INTS13: variants seen among roughly 807,000 people sequenced by gnomAD.
INTS13 encodes integrator complex subunit 13.
A neutral mutation model predicts 90.2 loss-of-function variants in INTS13; 35 were observed. That is an observed-to-expected ratio of 0.39 (90% confidence interval 0.30 to 0.51). INTS13 has a LOEUF of 0.51. Ranked by LOEUF, INTS13 falls within the 20% of genes least tolerant of loss-of-function variation. The pLI is 0.80. For synonymous variants in INTS13, 309 were observed against 277.1 expected (o/e 1.11, Z -1.14); for missense variants, 601 against 851.2 (o/e 0.71, Z 3.66).
intron 3 of INTS13, among the ~76,000 whole-genome samples, chr12:26,931,803 C>T (rs538682738): frequency 2.7e-5 from 4 of 149,656 alleles, no homozygotes; most frequent in Admixed American, 1.3e-4. Context: ...AACATAAACC[C>T]GGGCTGTGCG....
chr12:26,930,399 A>G (rs866733240), intron 3 of INTS13, among the ~76,000 whole-genome samples: 19 of 152,260 alleles, frequency 1.2e-4, no homozygotes, highest in African/African-American at 4.6e-4. Context: ...ACTTACTACA[A>G]AACAATGGTA....
In INTS13 at chr12:26,919,877, C is replaced by T. The variant is rs1477375228; in HGVS notation, c.890-2144G>A. On this transcript the variant is annotated intron_variant, in intron 8 of 16. Transcript: ENST00000261191. ...GGGCACGGTGACTCACACCTGTAAT[C>T]CCAGCACTTTGGGAGGCTGAGGGGG... Among the ~76,000 whole-genome samples, 3 of 152,210 alleles carry T rather than the reference C, an allele frequency of 2.0e-5. No individual in the cohort carries two copies. In the East Asian group the frequency reaches 5.8e-4, roughly 29 times the overall value.
chr12:26,928,170 T>C, intron 5 of INTS13, 35 bp downstream of exon 5: 6 of 1,450,238 alleles, frequency 4.1e-6, no homozygotes, highest in Non-Finnish European at 5.8e-6. Flanking sequence ...TCTATCCACA[T>C]GAACATATTT....
chr12:26,919,677 T>C (rs1234143893), intron 8 of INTS13, among the ~76,000 whole-genome samples: 1 of 152,038 alleles, frequency 6.6e-6, no homozygotes, highest in Admixed American at 6.6e-5. Context: ...GATTCTGAGG[T>C]TTTCTGCCTT....
intron 7 of INTS13, among the ~76,000 whole-genome samples, chr12:26,923,616 C>G (rs566261902): frequency 1.7e-4 from 26 of 152,156 alleles, no homozygotes; most frequent in African/African-American, 6.0e-4. Context: ...TGTGCTAGCC[C>G]TAAAACAACT....
At chr12:26,937,275 G>A (rs1039847053) in intron 1 of INTS13, among the ~76,000 whole-genome samples, 2 of 152,080 alleles carry the variant, frequency 1.3e-5, no homozygotes, top group African/African-American at 4.8e-5. Context: ...CTGGCGGGTA[G>A]GGGTGCGGAA....
chr12:26,938,194 G>A (rs1391978267), upstream of INTS13: 2 of 152,610 alleles, frequency 1.3e-5, no homozygotes, highest in East Asian at 1.9e-4. Context: ...TTGGGAAGCA[G>A]GATCTGGGCG....
chr12:26,927,302 G>T (rs949892411), intron 5 of INTS13, among the ~76,000 whole-genome samples: 1 of 152,196 alleles, frequency 6.6e-6, no homozygotes, highest in Admixed American at 6.5e-5. Flanking sequence ...TTACAGTCTT[G>T]TGGAACTGAG....
chr12:26,914,631 T>G (rs1592204305), intron 11 of INTS13, 53 bp from the exon 12 acceptor site: 1 of 1,410,940 alleles, frequency 7.1e-7, no homozygotes, highest in East Asian at 2.4e-5. Context: ...TGTTTCAGTA[T>G]GGATTACATG....
chr12:26,928,198 T>C lies in INTS13; in HGVS notation c.584+7A>G. 1.3e-6 allele frequency: 2 copies of C among 1,590,440 alleles called. No homozygotes were observed. Among genetic ancestry groups the C allele is most frequent in the South Asian group, 1.1e-5 (1 of 89,836 alleles). On this transcript the variant is annotated splice_region_variant and intron_variant, in intron 5 of 16. Coordinates refer to ENST00000261191, the MANE Select transcript of INTS13 (RefSeq NM_018164.3). ...ACATATTTATTTCATTTATGAATTATACTCACTGATCTGAATTTGCAGCAA... is the reference window on the plus strand; with the variant it reads ...ACATATTTATTTCATTTATGAATTACACTCACTGATCTGAATTTGCAGCAA...
At chr12:26,934,185 G>C (rs994551176) in intron 3 of INTS13, among the ~76,000 whole-genome samples, 3 of 152,204 alleles carry the variant, frequency 2.0e-5, no homozygotes, top group Admixed American at 6.5e-5. Flanking sequence ...TTAGGCAGGT[G>C]AATCTATTGA....
In INTS13 at chr12:26,922,656, T is replaced by C. The variant is rs769215414; in HGVS notation, c.849A>G (p.Leu283=). 1 of 1,587,866 alleles carries C rather than the reference T, an allele frequency of 6.3e-7. No homozygotes were observed. The highest frequency in any genetic ancestry group is 8.6e-7 in the Non-Finnish European group (1 of 1,166,674). ...CTACATGTGCATCTTTGTGATGAAG[T>C]AGCTCCACATCATAATTGGCAGATG... ...ANTSANYDVE[L]LHHKDAHVDF... is the part of the protein sequence containing the mutation. Residue 283 remains leucine (L), a synonymous_variant, in exon 8 of 17, where the codon CTA becomes CTG. Coordinates refer to ENST00000261191, the MANE Select transcript of INTS13 (RefSeq NM_018164.3).
chr12:26,906,869 A>T (rs1295832826), intron 15 of INTS13, among the ~76,000 whole-genome samples: 1 of 152,230 alleles, frequency 6.6e-6, no homozygotes, highest in Non-Finnish European at 1.5e-5. Context: ...ATGCAGCCAC[A>T]TGTGCACAAT....
chr12:26,914,327 T>C (rs1326011668), intron 12 of INTS13, 81 bp downstream of exon 12: 2 of 1,379,606 alleles, frequency 1.4e-6, no homozygotes, highest in South Asian at 1.5e-5. Flanking sequence ...AGAAATGGTA[T>C]AAATTACAAA....
Position 26,905,321 on chromosome 12 carries a change from T to C in INTS13, c.*176A>G, listed in dbSNP as rs1565812856. The C allele has an allele frequency of 1.8e-6, 1 of 570,962 alleles. No homozygotes were observed. The highest frequency in any genetic ancestry group is 3.0e-6 in the Non-Finnish European group (1 of 334,998). 35.4% of individuals were successfully genotyped at this position (570,962 alleles called of 1,614,324 possible). On this transcript the variant is annotated 3_prime_UTR_variant, in exon 17 of 17. Transcript: ENST00000261191. Reference sequence around the variant, plus strand: ...GAGGACAAATCATCTCAAATGTATATTTTTGAATTATGTGCCAATTTTATA... The same window carrying C: ...GAGGACAAATCATCTCAAATGTATACTTTTGAATTATGTGCCAATTTTATA...
chr12:26,934,713 T>C, intron 2 of INTS13, 83 bp from the exon 3 acceptor site: 1 of 995,170 alleles, frequency 1.0e-6, no homozygotes, highest in Non-Finnish European at 1.6e-6. Context: ...ATGCAATTTG[T>C]AACACTGTTT....
At chr12:26,910,105 A>G (rs1206725028) in intron 15 of INTS13, among the ~76,000 whole-genome samples, 1 of 152,226 alleles carries the variant, frequency 6.6e-6, no homozygotes, top group Non-Finnish European at 1.5e-5. Context: ...TTTAGCCTAT[A>G]AGAGATTAAG....
At chr12:26,927,680 G>A (rs1239650764) in intron 5 of INTS13, among the ~76,000 whole-genome samples, 1 of 152,052 alleles carries the variant, frequency 6.6e-6, no homozygotes, top group Admixed American at 6.6e-5. Context: ...TAGTGGCACA[G>A]TCTCGGTTCA....
chr12:26,920,510 T>A (rs1952082012), intron 8 of INTS13, among the ~76,000 whole-genome samples: 1 of 151,944 alleles, frequency 6.6e-6, no homozygotes, highest in Non-Finnish European at 1.5e-5. Context: ...GCGATTCCCC[T>A]GCCTCAGCAT....
Sources: allele counts gnomAD v4.1 joint callset (sites outside exome capture counted in the v4.1 genomes callset), GRCh38; gene constraint gnomAD v4.1.1; transcripts MANE v1.5; gene names NCBI Gene and HGNC (gene_info 2026-07-23, HGNC 2026-07-21).